Variants in EPAS1 observed in about 807,000 individuals in gnomAD.
EPAS1 encodes endothelial PAS domain protein 1.
A neutral mutation model predicts 87.9 loss-of-function variants in EPAS1; 23 were observed. The ratio of observed to expected loss-of-function variants is 0.26; its 90% confidence interval spans 0.19 to 0.37. EPAS1 has a LOEUF of 0.37. Ranked by LOEUF, EPAS1 falls within the 10% of genes least tolerant of loss-of-function variation. The pLI, the probability that EPAS1 is intolerant of heterozygous loss-of-function variation, is 1.00. For missense variants in EPAS1, 1,138 were observed against 1,120.7 expected, an observed-to-expected ratio of 1.02 and a Z score of -0.22; for synonymous variants, 508 against 444.3, an observed-to-expected ratio of 1.14 and a Z score of -1.80.
In EPAS1 at chr2:46,302,927, G is replaced by T. The variant is rs1177260415; in HGVS notation, c.26+4990G>T. Among the ~76,000 whole-genome samples, 3 of 152,020 alleles carry T rather than the reference G, an allele frequency of 2.0e-5. No individual in the cohort carries two copies. In the East Asian group the frequency reaches 5.8e-4, roughly 29 times the overall value. On this transcript the variant is annotated intron_variant, in intron 1 of 15. Coordinates refer to ENST00000263734, the MANE Select transcript of EPAS1 (RefSeq NM_001430.5). ...TCTCTACTAAAAATACAAAAAATTA[G>T]CCAGGCGTGGTGGCGTATGCCTGTA...
rs1327397090 is a variant in EPAS1 at position 46,384,536 on chromosome 2, C to T, written c.2489C>T (p.Ser830Leu). The part of the protein sequence containing the change: ...SGMASRLLGP[S>L]FESYLLPELT... ...ATGGCAAGCCGGCTGCTCGGGCCCT[C>T]ATTTGAGTCCTACCTGCTGCCCGAA... The change falls in exon 16 of 16, where the codon TCA becomes TTA. Residue 830 changes from serine to leucine, a missense_variant. Transcript: ENST00000263734. 2 of 1,614,098 alleles carry T rather than the reference C, an allele frequency of 1.2e-6. No homozygotes were observed. Among genetic ancestry groups the T allele is most frequent in the South Asian group, 1.1e-5 (1 of 91,090 alleles).
chr2:46,337,160 G>A (rs1683811124), intron 1 of EPAS1, among the ~76,000 whole-genome samples: 2 of 152,206 alleles, frequency 1.3e-5, no homozygotes, highest in Admixed American at 6.5e-5. Context: ...ATGCTTTAGA[G>A]GACACCAAAA....
intron 1 of EPAS1, among the ~76,000 whole-genome samples, chr2:46,304,067 C>T (rs1330272948): frequency 6.6e-6 from 1 of 152,164 alleles, no homozygotes; most frequent in African/African-American, 2.4e-5. Flanking sequence ...ACTGTGAAAA[C>T]AAATTTATCC....
At position 46,356,207 on chromosome 2, in the gene EPAS1, C is replaced by G. The variant is rs1254172331; in HGVS notation, c.274C>G (p.Leu92Val). 5 of 1,608,572 alleles carry G rather than the reference C, an allele frequency of 3.1e-6. No homozygotes were observed. The highest frequency in any genetic ancestry group is 4.2e-6 in the Non-Finnish European group (5 of 1,176,792). ...TGACCAGCAGATGGACAACTTGTAC[C>G]TGAAAGCCTTGGAGGGTTTCATTGC... is the stretch of plus-strand genomic sequence containing the variant. ...EADQQMDNLY[L>V]KALEGFIAVV... Residue 92 changes from leucine (L) to valine (V), a missense_variant, in exon 3 of 16, where the codon CTG (leucine) becomes GTG (valine). Physicochemically the swap from Leu to Val is conservative, Grantham distance 32. Coordinates refer to ENST00000263734, the MANE Select transcript of EPAS1 (RefSeq NM_001430.5).
At chr2:46,329,737 G>A (rs919361339) in intron 1 of EPAS1, among the ~76,000 whole-genome samples, 5 of 152,064 alleles carry the variant, frequency 3.3e-5, no homozygotes, top group African/African-American at 9.7e-5. Context: ...CGGGAGAATC[G>A]CTTGAACCCG....
At chr2:46,365,596 T>G (rs1187307927) in intron 6 of EPAS1, among the ~76,000 whole-genome samples, 1 of 152,218 alleles carries the variant, frequency 6.6e-6, no homozygotes, top group African/African-American at 2.4e-5. Context: ...AGGTACCCTG[T>G]AACACTCCAC....
rs1327948857 is a variant in EPAS1, at chr2:46,375,333, G to A, written c.887-357G>A. On this transcript the variant is annotated intron_variant, in intron 7 of 15. Transcript: ENST00000263734. The surrounding 1 kb of genome is among the most constrained non-coding windows in gnomAD (Gnocchi z 4.1). Reference sequence around the variant, plus strand: ...TCATTGAACCCCATGAAGAAAGTAAGGCAGGTTCTGGACTTGGTTCTGCTT... The same window carrying A: ...TCATTGAACCCCATGAAGAAAGTAAAGCAGGTTCTGGACTTGGTTCTGCTT... 6.6e-6 allele frequency among the ~76,000 whole-genome samples: 1 copy of A among 152,116 alleles called. No individual in the cohort carries two copies. Among genetic ancestry groups the A allele is most frequent in the African/African-American group, 2.4e-5 (1 of 41,406 alleles).
rs544972068 is a variant in EPAS1, at chr2:46,382,196, CTG to C, written c.2287+108_2287+109del. ...TTCACCACAGGCCGTACCTGCCTCTCTGAGCCTTGTTAGAATGGGGCGATGTC... is the reference window on the plus strand; with the variant it reads ...TTCACCACAGGCCGTACCTGCCTCTCAGCCTTGTTAGAATGGGGCGATGTC... On this transcript the variant is annotated intron_variant, in intron 14 of 15. Coordinates refer to ENST00000263734, the MANE Select transcript of EPAS1 (RefSeq NM_001430.5). The C allele has an allele frequency of 1.7e-4, 203 of 1,171,140 alleles. No homozygotes were observed. The African/African-American group carries it at 2.2e-3, about 13-fold the overall frequency. The allele number at this position is 1,171,140 out of a possible 1,614,324, so 72.5% of individuals were successfully genotyped here.
intron 1 of EPAS1, 28 bp downstream of exon 1, chr2:46,297,965 G>A (rs376865570): frequency 8.1e-6 from 13 of 1,610,822 alleles, no homozygotes; most frequent in Non-Finnish European, 1.1e-5. Flanking sequence ...CCGATCAGGG[G>A]GCCGGTCCGA....
rs1333656517 is a variant in EPAS1, at chr2:46,297,811, C to A, written c.-101C>A. ...ACCTGCGCGCACCTCGGACCTTCAC[C>A]ACCCGCCCGGGCCGCGGGGAGCGGA... On this transcript the variant is annotated 5_prime_UTR_variant, in exon 1 of 16. Transcript: ENST00000263734. 2.0e-6 allele frequency: 3 copies of A among 1,523,366 alleles called. No homozygotes were observed. The South Asian group carries it at 3.6e-5, about 18-fold the overall frequency. The allele number at this position is 1,523,366 out of a possible 1,614,324, so 94.4% of individuals were successfully genotyped here.
intron 1 of EPAS1, among the ~76,000 whole-genome samples, chr2:46,326,157 G>C (rs114531395): frequency 0.025 from 3,760 of 152,286 alleles, 89 homozygotes; most frequent in Admixed American, 0.041. Context: ...GTGTGAATTT[G>C]GGAAACACTA....
chr2:46,380,658 G>A lies in EPAS1; in HGVS notation c.1986G>A (p.Leu662=), dbSNP rs1558612259. ...WAVGDQRTEF[L]GAAPLGPPVS... ...TCGGGGATCAGCGCACAGAGTTCTT[G>A]GGAGCAGCGCCGTTGGGGCCCCCTG... Residue 662 remains leucine (L), a synonymous_variant, in exon 12 of 16, where the codon TTG becomes TTA. Transcript: ENST00000263734. The surrounding 1 kb of genome is among the most constrained non-coding windows in gnomAD (Gnocchi z 4.4). 6.2e-7 allele frequency: 1 copy of A among 1,614,054 alleles called. No homozygotes were observed. Among genetic ancestry groups the A allele is most frequent in the Non-Finnish European group, 8.5e-7 (1 of 1,180,002 alleles).
intron 6 of EPAS1, among the ~76,000 whole-genome samples, chr2:46,368,032 C>T (rs1003982445): frequency 2.6e-5 from 4 of 152,096 alleles, no homozygotes; most frequent in Non-Finnish European, 4.4e-5. Flanking sequence ...CTGTTTGTAC[C>T]GTAGGTTCAA....
chr2:46,362,487 G>A (rs1684413459), intron 6 of EPAS1, among the ~76,000 whole-genome samples: 1 of 152,184 alleles, frequency 6.6e-6, no homozygotes, highest in Non-Finnish European at 1.5e-5. Context: ...GCAGGAAGAG[G>A]AAGAATCTGA....
intron 10 of EPAS1, 70 bp downstream of exon 10, chr2:46,378,157 G>T: frequency 6.5e-7 from 1 of 1,534,456 alleles, no homozygotes; most frequent in Non-Finnish European, 8.7e-7. Flanking sequence ...GATGGCTGAA[G>T]GGACATTTGG....
chr2:46,358,841 A>G (rs1357195347), intron 4 of EPAS1, among the ~76,000 whole-genome samples: 1 of 152,210 alleles, frequency 6.6e-6, no homozygotes, highest in African/African-American at 2.4e-5. Context: ...AAAGAAAGCC[A>G]TGAGGCAGAT....
chr2:46,352,189 C>T (rs1572633677), intron 2 of EPAS1, among the ~76,000 whole-genome samples: 1 of 152,340 alleles, frequency 6.6e-6, no homozygotes, highest in East Asian at 1.9e-4. Flanking sequence ...GGATGATTTA[C>T]AGACCCACTT....
chr2:46,327,052 G>A (rs1273525297), intron 1 of EPAS1, among the ~76,000 whole-genome samples: 7 of 152,180 alleles, frequency 4.6e-5, no homozygotes, highest in African/African-American at 1.4e-4. Context: ...ATAAACATTG[G>A]TCTCAGCTTC....
At position 46,369,945 on chromosome 2, in the gene EPAS1, G is replaced by A. The variant is rs369745324; in HGVS notation, c.886+12G>A. 2.8e-4 allele frequency: 453 copies of A among 1,598,824 alleles called. No homozygotes were observed. Among genetic ancestry groups the A allele is most frequent in the Admixed American group, 3.9e-4 (23 of 59,208 alleles). On this transcript the variant is annotated intron_variant, in intron 7 of 15. Coordinates refer to ENST00000263734, the MANE Select transcript of EPAS1 (RefSeq NM_001430.5). Reference sequence around the variant, plus strand: ...GAGTCACCAGAACTGTGAGTTCCAGGAGTGCCCCTTGTGGCTTCCTTGTGT... The same window carrying A: ...GAGTCACCAGAACTGTGAGTTCCAGAAGTGCCCCTTGTGGCTTCCTTGTGT...
Sources: allele counts gnomAD v4.1 joint callset (sites outside exome capture counted in the v4.1 genomes callset), GRCh38; gene constraint gnomAD v4.1.1; non-coding constraint Gnocchi (gnomAD v3.1); transcripts MANE v1.5; gene names NCBI Gene and HGNC (gene_info 2026-07-23, HGNC 2026-07-21).